PCDHGA4: variants seen among roughly 807,000 people sequenced by gnomAD.
The protein encoded by PCDHGA4 is protocadherin gamma subfamily A, 4.
PCDHGA4 carries 38 observed loss-of-function variants against 54.6 expected under a neutral mutation model. The observed-to-expected ratio is 0.70, with a 90% CI of 0.54 to 0.91. PCDHGA4 has a LOEUF of 0.91. Among genes scored for constraint, PCDHGA4 ranks in the 40% least tolerant of loss-of-function variants. PCDHGA4 has a pLI of 0.00. For synonymous variants in PCDHGA4, 511 were observed against 512.9 expected (o/e 1.00, Z 0.05); for missense variants, 1,298 against 1,220.9 (o/e 1.06, Z -0.94).
At chr5:141,427,869 A>G in intron 1 of PCDHGA4, 3 of 1,559,604 alleles carry the variant, frequency 1.9e-6, no homozygotes, top group Non-Finnish European at 2.6e-6. Flanking sequence ...CTTCGAGCTC[A>G]CGATGCAGGC....
chr5:141,371,255 A>G lies in PCDHGA4; in HGVS notation c.2514+13634A>G, dbSNP rs1442083388. The G allele has an allele frequency of 1.9e-6, 3 of 1,614,036 alleles. 1 individual carries two copies. The South Asian group carries it at 3.3e-5, about 18-fold the overall frequency. On this transcript the variant is annotated intron_variant, in intron 1 of 3. Transcript: ENST00000571252. ...ATGCCTTCATCAATATTGGCAAGGA[A>G]GTGAGACAACTGTTCAAGCTGGACA...
At chr5:141,399,922 T>C in intron 1 of PCDHGA4, 1 of 1,612,334 alleles carries the variant, frequency 6.2e-7, no homozygotes, top group African/African-American at 1.3e-5. Flanking sequence ...ACACAACGCC[T>C]GGCTGTCCTA....
At position 141,400,283 on chromosome 5, in the gene PCDHGA4, C is replaced by T. The variant is rs566639489; in HGVS notation, c.2514+42662C>T. 2.5e-6 allele frequency: 4 copies of T among 1,614,084 alleles called. No individual in the cohort carries two copies. In the African/African-American group the frequency reaches 5.3e-5, roughly 22 times the overall value. On this transcript the variant is annotated intron_variant, in intron 1 of 3. Coordinates refer to ENST00000571252, the MANE Select transcript of PCDHGA4 (RefSeq NM_018917.4). The stretch of plus-strand genomic sequence containing the variant: ...CTGCGACGCTCCTCCAGCCCTGCCG[C>T]CTGGAGCTGCTTCCAACCTGGTCTC...
At position 141,460,338 on chromosome 5, in the gene PCDHGA4, T is replaced by C. The variant is rs1180912204; in HGVS notation, c.2515-34469T>C. Among the ~76,000 whole-genome samples, 4 of 152,222 alleles carry C rather than the reference T, an allele frequency of 2.6e-5. No homozygotes were observed. The East Asian group carries it at 7.7e-4, about 29-fold the overall frequency. On this transcript the variant is annotated intron_variant, in intron 1 of 3. Transcript: ENST00000571252. ...GCCTACTGAAAACTTATGATGATTT[T>C]CTCCTATATTTTCTTTTAGAAGTTT...
rs2099684984 is a variant in PCDHGA4 at position 141,489,278 on chromosome 5, G to A, written c.2515-5529G>A. ...ACACTCCCACAGCTCGCTGGGAAAT[G>A]GCAAGTGCTGTGCATGTTGTCCTTG... is the stretch of plus-strand genomic sequence containing the variant. On this transcript the variant is annotated intron_variant, in intron 1 of 3. Transcript: ENST00000571252. The surrounding 1 kb of genome is among the most constrained non-coding windows in gnomAD (Gnocchi z 4.5). The A allele has an allele frequency of 6.4e-7, 1 of 1,561,298 alleles. No homozygotes were observed. The highest frequency in any genetic ancestry group is 2.2e-5 in the East Asian group (1 of 44,520).
chr5:141,476,039 C>T lies in PCDHGA4; in HGVS notation c.2515-18768C>T. The T allele has an allele frequency of 1.3e-6, 2 of 1,484,358 alleles. No homozygotes were observed. The highest frequency in any genetic ancestry group is 1.8e-6 in the Non-Finnish European group (2 of 1,117,328). The allele number at this position is 1,484,358 out of a possible 1,614,324, so 91.9% of individuals were successfully genotyped here. On this transcript the variant is annotated intron_variant, in intron 1 of 3. Coordinates refer to ENST00000571252, the MANE Select transcript of PCDHGA4 (RefSeq NM_018917.4). The surrounding 1 kb of genome is among the most constrained non-coding windows in gnomAD (Gnocchi z 7.6). Reference sequence around the variant, plus strand: ...TCGGACTCGGCGCCCAGCGCCCAAGCGCTAACCCGCTGAAAGTTTCTCAGC... The same window carrying T: ...TCGGACTCGGCGCCCAGCGCCCAAGTGCTAACCCGCTGAAAGTTTCTCAGC...
chr5:141,414,868 G>C, intron 1 of PCDHGA4: 1 of 1,614,216 alleles, frequency 6.2e-7, no homozygotes, highest in Non-Finnish European at 8.5e-7. Flanking sequence ...CAATGCGCCC[G>C]AGATCCTGTA....
chr5:141,457,429 C>G (rs73280316), intron 1 of PCDHGA4, among the ~76,000 whole-genome samples: 1,780 of 152,292 alleles, frequency 0.012, 30 homozygotes, highest in African/African-American at 0.04. Context: ...TTTTCCCCCC[C>G]ACCAAGCTGC....
At chr5:141,384,407 C>G (rs1198473919) in intron 1 of PCDHGA4, 1 of 1,613,956 alleles carries the variant, frequency 6.2e-7, no homozygotes, top group South Asian at 1.1e-5. Context: ...CCAGTGTCCT[C>G]CTATGTCTCC....
chr5:141,377,445 A>T (rs1442230734), intron 1 of PCDHGA4: 1 of 152,050 alleles, frequency 6.6e-6, no homozygotes, highest in Admixed American at 6.6e-5. Flanking sequence ...AAAAGAAAAA[A>T]AAGTAGCCAG....
intron 1 of PCDHGA4, chr5:141,376,676 G>GGTTTTTTTTT (rs1773026765): frequency 3.6e-6 from 1 of 275,812 alleles, no homozygotes; most frequent in Middle Eastern, 1.2e-3. Context: ...TGAGGGTATC[G>GGTTTTTTTTT]TTTTTTTTTT....
At chr5:141,379,806 A>C (rs965954468) in intron 1 of PCDHGA4, among the ~76,000 whole-genome samples, 2 of 150,310 alleles carry the variant, frequency 1.3e-5, no homozygotes, top group African/African-American at 4.9e-5. Context: ...AGGTTTTGAG[A>C]GTTCAGTATA....
chr5:141,399,719 G>C (rs773556952), intron 1 of PCDHGA4: 1 of 1,613,286 alleles, frequency 6.2e-7, no homozygotes, highest in Non-Finnish European at 8.5e-7. Context: ...CTACAGGCCC[G>C]CGACCAGGGC....
At position 141,363,955 on chromosome 5, in the gene PCDHGA4, A is replaced by C. The variant is rs139714384; in HGVS notation, c.2514+6334A>C. 3.1e-4 allele frequency among the ~76,000 whole-genome samples: 47 copies of C among 152,356 alleles called. No individual in the cohort carries two copies. The East Asian group carries it at 8.9e-3, about 29-fold the overall frequency. ...TCTAATAATCATATTGATCTCAGGG[A>C]TTGTGGAAGTCTTGCTATTCAGAAT... On this transcript the variant is annotated intron_variant, in intron 1 of 3. Coordinates refer to ENST00000571252, the MANE Select transcript of PCDHGA4 (RefSeq NM_018917.4).
chr5:141,382,928 A>G (rs746763440), intron 1 of PCDHGA4: 9 of 1,582,188 alleles, frequency 5.7e-6, no homozygotes, highest in South Asian at 3.4e-5. Flanking sequence ...GGCGGGGACT[A>G]CAGAGGATTC....
intron 1 of PCDHGA4, chr5:141,409,940 C>T (rs1368587420): frequency 1.2e-5 from 19 of 1,613,118 alleles, no homozygotes; most frequent in Non-Finnish European, 1.6e-5. Context: ...TATGGTACCT[C>T]GCTCTGCAGA....
At chr5:141,505,275 AGGTCTTGGGCATGGGGTAG>A (rs1251192617) in intron 2 of PCDHGA4, 99 bp from the exon 3 acceptor site, 87 of 1,525,470 alleles carry the variant, frequency 5.7e-5, no homozygotes, top group Non-Finnish European at 2.0e-5. Context: ...TGAGAGAAAC[AGGTCTTGGGCATGGGGTAG>A]GGTTAGGGTA....
Position 141,422,132 on chromosome 5 carries a change from T to C in PCDHGA4, c.2514+64511T>C, listed in dbSNP as rs768931697. ...CAATTGGATTCACAAACTGGAGAAG[T>C]TCAAGTACGGGGGTCTCTGGATTTT... On this transcript the variant is annotated intron_variant, in intron 1 of 3. Coordinates refer to ENST00000571252, the MANE Select transcript of PCDHGA4 (RefSeq NM_018917.4). The C allele has an allele frequency of 1.2e-5, 19 of 1,598,396 alleles. No individual in the cohort carries two copies. In the South Asian group the frequency reaches 2.0e-4, roughly 17 times the overall value.
chr5:141,431,049 T>C lies in PCDHGA4; in HGVS notation c.2515-63758T>C, dbSNP rs1226000576. On this transcript the variant is annotated intron_variant, in intron 1 of 3. Coordinates refer to ENST00000571252, the MANE Select transcript of PCDHGA4 (RefSeq NM_018917.4). The surrounding 1 kb of genome is among the most constrained non-coding windows in gnomAD (Gnocchi z 4.8). Reference sequence around the variant, plus strand: ...AGGATAGACCGGGAGGAGCTCTGTATGGGGGCCATCAAGTGTCAATTAAAT... The same window carrying C: ...AGGATAGACCGGGAGGAGCTCTGTACGGGGGCCATCAAGTGTCAATTAAAT... The C allele has an allele frequency of 6.2e-7, 1 of 1,614,162 alleles. No homozygotes were observed. Among genetic ancestry groups the C allele is most frequent in the Non-Finnish European group, 8.5e-7 (1 of 1,180,014 alleles).
Sources: allele counts gnomAD v4.1 joint callset (sites outside exome capture counted in the v4.1 genomes callset), GRCh38; gene constraint gnomAD v4.1.1; non-coding constraint Gnocchi (gnomAD v3.1); transcripts MANE v1.5; gene names NCBI Gene and HGNC (gene_info 2026-07-23, HGNC 2026-07-21).